The following MARCHF3 variants were observed in gnomAD, a reference collection of about 807,000 sequenced individuals.
MARCHF3 encodes the protein membrane associated ring-CH-type finger 3.
Under a neutral mutation model 24.2 loss-of-function variants are expected in MARCHF3, and 13 were observed. The observed-to-expected ratio is 0.54, with a 90% CI of 0.35 to 0.85. MARCHF3 has a LOEUF of 0.85. Among genes scored for constraint, MARCHF3 ranks in the 40% least tolerant of loss-of-function variants. The pLI, the probability that MARCHF3 is intolerant of heterozygous loss-of-function variation, is 0.01. For synonymous variants in MARCHF3, 144 were observed against 137.3 expected (o/e 1.05, Z -0.34); for missense variants, 276 against 325.0 (o/e 0.85, Z 1.16).
At chr5:126,962,414 A>ATG (rs772315533) in intron 1 of MARCHF3, among the ~76,000 whole-genome samples, 13 of 151,770 alleles carry the variant, frequency 8.6e-5, no homozygotes, top group Admixed American at 2.6e-4. Context: ...ATAATCATAT[A>ATG]TGTGTGTGTG....
At chr5:126,919,400 T>C (rs1749020815) in intron 1 of MARCHF3, among the ~76,000 whole-genome samples, 3 of 152,156 alleles carry the variant, frequency 2.0e-5, no homozygotes, top group Non-Finnish European at 2.9e-5. Flanking sequence ...GCAGGATTAG[T>C]TGACAGACTG....
rs75132111 is a variant in MARCHF3, at chr5:126,916,895, T to C, written c.188+1089A>G. 5.1e-4 allele frequency among the ~76,000 whole-genome samples: 78 copies of C among 152,274 alleles called. No individual in the cohort carries two copies. The East Asian group carries it at 0.015, about 29-fold the overall frequency. On this transcript the variant is annotated intron_variant, in intron 2 of 4. Transcript: ENST00000308660. ...TCATCCTGTTCTGAGTCCTAACCAA[T>C]TGTTAAAAGTTCTCCAAGAGTCAGA... is the stretch of plus-strand genomic sequence containing the variant.
At chr5:126,991,859 C>G (rs138477530) in intron 1 of MARCHF3, among the ~76,000 whole-genome samples, 1 of 152,268 alleles carries the variant, frequency 6.6e-6, no homozygotes, top group Non-Finnish European at 1.5e-5. Flanking sequence ...TTTGTCAACT[C>G]TCCATATGCC....
At position 126,966,590 on chromosome 5, in the gene MARCHF3, T is replaced by C. The variant is rs567072886; in HGVS notation, c.-56-48363A>G. Among the ~76,000 whole-genome samples the C allele has an allele frequency of 5.9e-5, 9 of 152,272 alleles. No individual in the cohort carries two copies. In the South Asian group the frequency reaches 1.7e-3, roughly 28 times the overall value. On this transcript the variant is annotated intron_variant, in intron 1 of 4. Coordinates refer to ENST00000308660, the MANE Select transcript of MARCHF3 (RefSeq NM_178450.5). Reference sequence around the variant, plus strand: ...TATTAAGGATTTTTAAACCATCTTTTGGGTGAATCAGATTTCCTAGATATT... The same window carrying C: ...TATTAAGGATTTTTAAACCATCTTTCGGGTGAATCAGATTTCCTAGATATT...
intron 3 of MARCHF3, among the ~76,000 whole-genome samples, chr5:126,905,722 C>G (rs1442674751): frequency 6.6e-6 from 1 of 151,830 alleles, no homozygotes; most frequent in Non-Finnish European, 1.5e-5. Context: ...TGGGCTGAGG[C>G]AATGGGGTTT....
chr5:126,946,782 G>A (rs1044580539), intron 1 of MARCHF3, among the ~76,000 whole-genome samples: 2 of 151,126 alleles, frequency 1.3e-5, no homozygotes, highest in African/African-American at 4.9e-5. Context: ...GTGTGTGTGT[G>A]TGTGTGTGTG....
At chr5:126,897,267 G>A (rs1381966731) in intron 3 of MARCHF3, among the ~76,000 whole-genome samples, 1 of 151,600 alleles carries the variant, frequency 6.6e-6, no homozygotes, top group Non-Finnish European at 1.5e-5. Flanking sequence ...TTGAACTCCC[G>A]ACCTCAGGTG....
At chr5:126,932,104 C>T (rs531449953) in intron 1 of MARCHF3, among the ~76,000 whole-genome samples, 138 of 152,360 alleles carry the variant, frequency 9.1e-4, no homozygotes, top group African/African-American at 3.3e-3. Flanking sequence ...AGGGCCACAG[C>T]AGCCTCAAAT....
At chr5:126,871,856 G>A (rs1424202690) in intron 4 of MARCHF3, among the ~76,000 whole-genome samples, 5 of 151,746 alleles carry the variant, frequency 3.3e-5, no homozygotes, top group Admixed American at 1.3e-4. Context: ...ACAGGCATAC[G>A]CCACCATGCC....
At chr5:127,016,275 A>T (rs142605776) in intron 1 of MARCHF3, among the ~76,000 whole-genome samples, 2 of 152,342 alleles carry the variant, frequency 1.3e-5, no homozygotes, top group East Asian at 3.9e-4. Flanking sequence ...ATGAAAAATT[A>T]TGTGTATTGT....
intron 3 of MARCHF3, among the ~76,000 whole-genome samples, chr5:126,914,452 G>A (rs780955783): frequency 1.3e-5 from 2 of 151,896 alleles, no homozygotes; most frequent in African/African-American, 2.4e-5. Flanking sequence ...TAACAAACCC[G>A]AGGTCACAGA....
chr5:126,912,594 T>C (rs1045773417), intron 3 of MARCHF3, among the ~76,000 whole-genome samples: 2 of 152,150 alleles, frequency 1.3e-5, no homozygotes, highest in East Asian at 3.8e-4. Flanking sequence ...AAAAGATGCA[T>C]GTTTATCTTG....
At chr5:126,971,435 C>T (rs578223546) in intron 1 of MARCHF3, among the ~76,000 whole-genome samples, 76 of 128,580 alleles carry the variant, frequency 5.9e-4, no homozygotes, top group Non-Finnish European at 8.3e-4. Flanking sequence ...GGTGACAGAG[C>T]GAGACTCTGT....
At chr5:126,972,590 T>C (rs534776404) in intron 1 of MARCHF3, among the ~76,000 whole-genome samples, 1 of 152,308 alleles carries the variant, frequency 6.6e-6, no homozygotes, top group South Asian at 2.1e-4. Flanking sequence ...ATTCATTAAT[T>C]GAGGGTCAGA....
Position 126,974,513 on chromosome 5 carries a change from G to A in MARCHF3, c.-57+55837C>T, listed in dbSNP as rs138738632. Reference sequence around the variant, plus strand: ...GAGGGAAAAAAAAGTAACCTTTCCTGATACTCTTGCCCTTGTATTTTGTTC... The same window carrying A: ...GAGGGAAAAAAAAGTAACCTTTCCTAATACTCTTGCCCTTGTATTTTGTTC... On this transcript the variant is annotated intron_variant, in intron 1 of 4. Coordinates refer to ENST00000308660, the MANE Select transcript of MARCHF3 (RefSeq NM_178450.5). Among the ~76,000 whole-genome samples, 175 of 152,318 alleles carry A rather than the reference G, an allele frequency of 1.1e-3. 1 individual carries two copies. Among genetic ancestry groups the A allele is most frequent in the African/African-American group, 3.9e-3 (162 of 41,570 alleles).
chr5:126,993,648 C>T (rs183200203), intron 1 of MARCHF3, among the ~76,000 whole-genome samples: 303 of 152,232 alleles, frequency 2.0e-3, no homozygotes, highest in African/African-American at 6.9e-3. Context: ...TCTTGCCAAG[C>T]AGCCAAACAT....
In MARCHF3 at chr5:126,867,858, G is replaced by C. The variant is rs1752819206; in HGVS notation, c.*2775C>G. The C allele has an allele frequency of 6.6e-6, 1 of 152,234 alleles. No individual in the cohort carries two copies. Among genetic ancestry groups the C allele is most frequent in the Non-Finnish European group, 1.5e-5 (1 of 68,048 alleles). The allele number at this position is 152,234 out of a possible 1,614,324, so 9.4% of individuals were successfully genotyped here. ...CCCAAATGAGCACATATGCAGGGCAGGCAAGAGCATGCTGGATTTGTCTTA... is the reference window on the plus strand; with the variant it reads ...CCCAAATGAGCACATATGCAGGGCACGCAAGAGCATGCTGGATTTGTCTTA... On this transcript the variant is annotated 3_prime_UTR_variant, in exon 5 of 5. Coordinates refer to ENST00000308660, the MANE Select transcript of MARCHF3 (RefSeq NM_178450.5).
At chr5:127,017,337 A>T (rs2126861352) in intron 1 of MARCHF3, among the ~76,000 whole-genome samples, 1 of 152,338 alleles carries the variant, frequency 6.6e-6, no homozygotes, top group Admixed American at 6.5e-5. Flanking sequence ...TGTCAAATTA[A>T]AAATGGTGTC....
At chr5:126,899,611 G>A (rs750728273) in intron 3 of MARCHF3, among the ~76,000 whole-genome samples, 5 of 152,098 alleles carry the variant, frequency 3.3e-5, no homozygotes, top group Non-Finnish European at 7.3e-5. Flanking sequence ...ACTTGAAAAT[G>A]AAGAATGATT....
Sources: allele counts gnomAD v4.1 joint callset (sites outside exome capture counted in the v4.1 genomes callset), GRCh38; gene constraint gnomAD v4.1.1; transcripts MANE v1.5; gene names NCBI Gene and HGNC (gene_info 2026-07-23, HGNC 2026-07-21).